The following DOCK11 variants were observed in gnomAD, a reference collection of about 807,000 sequenced individuals.
DOCK11 encodes the protein dedicator of cytokinesis protein 11.
Under a neutral mutation model 169.1 loss-of-function variants are expected in DOCK11, and 70 were observed. The ratio of observed to expected loss-of-function variants is 0.41; its 90% CI spans 0.34 to 0.51. The LOEUF (loss-of-function observed/expected upper bound fraction) is 0.51. Among genes scored for constraint, DOCK11 ranks in the 20% least tolerant of loss-of-function variants. The probability of loss-of-function intolerance (pLI) is 0.10; values close to 1 mark genes in which losing one functional copy is unlikely to be tolerated. For synonymous variants in DOCK11, 529 were observed against 541.3 expected, an observed-to-expected ratio of 0.98 and a Z score of 0.32; for missense variants, 1,166 against 1,538.8, an observed-to-expected ratio of 0.76 and a Z score of 4.05.
chrX:118,547,434 G>A (rs1439512304), intron 6 of DOCK11, among the ~76,000 whole-genome samples: 1 of 111,359 alleles, frequency 9.0e-6, no homozygotes, highest in Non-Finnish European at 1.9e-5. Flanking sequence ...CCTGTATATC[G>A]CTTGCACCTA....
chrX:118,595,889 C>T (rs1347144007), intron 20 of DOCK11, among the ~76,000 whole-genome samples: 2 of 110,997 alleles, frequency 1.8e-5, no homozygotes, highest in Non-Finnish European at 3.8e-5. Context: ...AGTAGACTAT[C>T]GGTTGCCAGG....
At chrX:118,529,278 G>A (rs973750812) in intron 1 of DOCK11, among the ~76,000 whole-genome samples, 3 of 112,035 alleles carry the variant, frequency 2.7e-5, no homozygotes, top group Non-Finnish European at 5.6e-5. Flanking sequence ...CACCACGCCC[G>A]ACCACCCATA....
rs144771912 is a variant in DOCK11, at chrX:118,585,640, A to G, written c.1795+523A>G. Among the ~76,000 whole-genome samples the G allele has an allele frequency of 8.5e-3, 927 of 108,612 alleles. 14 individuals are homozygous for G. Among genetic ancestry groups the G allele is most frequent in the African/African-American group, 0.029 (875 of 29,744 alleles). 94.3% of individuals were successfully genotyped at this position (108,612 alleles called of 115,157 possible). A position where few individuals can be genotyped will look rare whatever the true frequency, so the allele number is the denominator to read the frequency against. On this transcript the variant is annotated intron_variant, in intron 16 of 52. Coordinates refer to ENST00000276202, the MANE Select transcript of DOCK11 (RefSeq NM_144658.4). ...CTTTTCAACCCAGTATGCACGATGA[A>G]TAGTTACAGATTAGGAAGTGAATTG...
chrX:118,574,008 A>G lies in DOCK11; in HGVS notation c.1379A>G (p.Tyr460Cys). Residue 460 changes from tyrosine (Y) to cysteine (C), a missense_variant, in exon 12 of 53, where the codon TAC becomes TGC. Tyr to Cys is a radical substitution (Grantham distance 194, BLOSUM62 -2). Coordinates refer to ENST00000276202, the MANE Select transcript of DOCK11 (RefSeq NM_144658.4). ...GGAATTGCCGAATCTCAGTTACGCTACATACAACAGGTAACGAATGACCTT... is the reference window on the plus strand; with the variant it reads ...GGAATTGCCGAATCTCAGTTACGCTGCATACAACAGGTAACGAATGACCTT... ...IHGIAESQLR[Y>C]IQQGIFSVTN... 1 of 1,209,665 alleles carries G rather than the reference A, an allele frequency of 8.3e-7. No homozygotes were observed. Among genetic ancestry groups the G allele is most frequent in the Non-Finnish European group, 1.1e-6 (1 of 893,462 alleles).
At chrX:118,616,938 T>C (rs1021747675) in intron 30 of DOCK11, among the ~76,000 whole-genome samples, 1 of 111,748 alleles carries the variant, frequency 8.9e-6, no homozygotes, top group Non-Finnish European at 1.9e-5. Flanking sequence ...ATTCTGAACA[T>C]GTATAGCTCA....
At chrX:118,553,230 C>T (rs2012564423) in intron 6 of DOCK11, among the ~76,000 whole-genome samples, 1 of 112,153 alleles carries the variant, frequency 8.9e-6, no homozygotes, top group Admixed American at 9.5e-5. Flanking sequence ...AACTTCTTTT[C>T]ATATCAATGA....
At chrX:118,597,674 C>T in intron 21 of DOCK11, 122 bp downstream of exon 21, 1 of 783,371 alleles carries the variant, frequency 1.3e-6, no homozygotes, top group East Asian at 3.3e-5. Flanking sequence ...GGTGCGGGTC[C>T]ACAACAAAGA....
chrX:118,636,293 G>C (rs978516484), intron 35 of DOCK11, 53 bp from the exon 36 acceptor site: 22 of 770,959 alleles, frequency 2.9e-5, no homozygotes, highest in Non-Finnish European at 3.9e-5. Flanking sequence ...GATTCACTGT[G>C]CTATTTGCTG....
intron 52 of DOCK11, among the ~76,000 whole-genome samples, 186 bp downstream of exon 52, chrX:118,683,403 G>T (rs1226305495): frequency 1.8e-5 from 2 of 112,147 alleles, no homozygotes; most frequent in African/African-American, 6.5e-5. Context: ...ATTATCTAAA[G>T]TGGTTAGTGA....
At chrX:118,535,849 C>G (rs2011735290) in intron 1 of DOCK11, among the ~76,000 whole-genome samples, 1 of 111,738 alleles carries the variant, frequency 8.9e-6, no homozygotes, top group Non-Finnish European at 1.9e-5. Flanking sequence ...CCCCTCCCGC[C>G]CCACCACATC....
Position 118,639,903 on chromosome X carries a change from TAAAG to T in DOCK11, c.4144+330_4144+333del, listed in dbSNP as rs2015487093. 3.6e-5 allele frequency among the ~76,000 whole-genome samples: 4 copies of T among 112,438 alleles called. 1 individual carries two copies. In the South Asian group the frequency reaches 1.5e-3, roughly 41 times the overall value. ...GGTCATGATGTTTTCTTCTTAGTGT[TAAAG>T]AAACTAAATTTTTCCCATGGAATTG... On this transcript the variant is annotated intron_variant, in intron 38 of 52. Transcript: ENST00000276202.
At chrX:118,545,430 T>C in intron 5 of DOCK11, 38 bp downstream of exon 5, 1 of 1,006,957 alleles carries the variant, frequency 9.9e-7, no homozygotes, top group Non-Finnish European at 1.4e-6. Context: ...ACTGTGCTAG[T>C]TTCCTCACGG....
chrX:118,580,146 G>A lies in DOCK11; in HGVS notation c.1562G>A (p.Gly521Glu). The A allele has an allele frequency of 8.3e-7, 1 of 1,209,541 alleles. No homozygotes were observed. The change falls in exon 14 of 53, where the codon GGA becomes GAA. Residue 521 changes from glycine (G) to glutamate (E), a missense_variant. Physicochemically the swap from Gly to Glu is moderately conservative, Grantham distance 98 (BLOSUM62 -2). Transcript: ENST00000276202. ...GCTAAACAAGTGTGTAGCCGCCTTGGACAATACAGAATGCCCTTCGCTTGG... is the reference window on the plus strand; with the variant it reads ...GCTAAACAAGTGTGTAGCCGCCTTGAACAATACAGAATGCCCTTCGCTTGG... ...RTAKQVCSRL[G>E]QYRMPFAWAA...
At chrX:118,592,623 C>T (rs147828855) in intron 19 of DOCK11, among the ~76,000 whole-genome samples, 2,539 of 112,069 alleles carry the variant, frequency 0.023, 23 homozygotes, top group Non-Finnish European at 0.035. Flanking sequence ...TAGAAAATTA[C>T]TTGTGATACT....
intron 1 of DOCK11, among the ~76,000 whole-genome samples, chrX:118,510,664 C>T (rs2057645267): frequency 9.0e-6 from 1 of 111,125 alleles, no homozygotes; most frequent in Admixed American, 9.6e-5. Context: ...GATGGTTGCA[C>T]ATCACATAAA....
chrX:118,506,394 G>A (rs1166962899), intron 1 of DOCK11, among the ~76,000 whole-genome samples: 4 of 112,142 alleles, frequency 3.6e-5, no homozygotes, highest in Non-Finnish European at 7.5e-5. Flanking sequence ...GGCTGAGCGC[G>A]GTGGCTCACA....
At chrX:118,682,782 AACTTTAGCTGATAG>A (rs2016773768) in intron 51 of DOCK11, among the ~76,000 whole-genome samples, 1 of 112,138 alleles carries the variant, frequency 8.9e-6, no homozygotes, top group Admixed American at 9.5e-5. Flanking sequence ...ATGTCAGCAC[AACTTTAGCTGATAG>A]AATGCCAAGG....
chrX:118,495,943 C>CCCGCCGAGACCCGCCCG lies in DOCK11; in HGVS notation c.-22_-6dup, dbSNP rs2147298488. On this transcript the variant is annotated 5_prime_UTR_variant, in exon 1 of 53. Coordinates refer to ENST00000276202, the MANE Select transcript of DOCK11 (RefSeq NM_144658.4). ...CCACCCGCCCGCCGAGGTCCGCCCGCCCGCCGAGACCCGCCCGCCGCCGCT... is the reference window on the plus strand; with the variant it reads ...CCACCCGCCCGCCGAGGTCCGCCCGCCCGCCGAGACCCGCCCGCCGCCGAGACCCGCCCGCCGCCGCT... 1 of 1,015,061 alleles carries CCCGCCGAGACCCGCCCG rather than the reference C, an allele frequency of 9.9e-7. No individual in the cohort carries two copies. The highest frequency in any genetic ancestry group is 2.3e-5 in the South Asian group (1 of 43,243). 83.7% of individuals were successfully genotyped at this position (1,015,061 alleles called of 1,213,427 possible).
chrX:118,595,395 T>G (rs2014129805), intron 20 of DOCK11, among the ~76,000 whole-genome samples: 1 of 111,725 alleles, frequency 9.0e-6, no homozygotes, highest in African/African-American at 3.3e-5. Context: ...GGATGGCAGG[T>G]TTGGGACATC....
Sources: allele counts gnomAD v4.1 joint callset (sites outside exome capture counted in the v4.1 genomes callset), GRCh38; gene constraint gnomAD v4.1.1; transcripts MANE v1.5; gene names NCBI Gene and HGNC (gene_info 2026-07-23, HGNC 2026-07-21).